ABCA13: variants seen among roughly 807,000 people sequenced by gnomAD.
ABCA13 encodes the protein ATP-binding cassette sub-family A member 13.
Under a neutral mutation model 478.7 loss-of-function variants are expected in ABCA13, and 476 were observed. The observed-to-expected ratio is 0.99, with a 90% CI of 0.92 to 1.07. The LOEUF (loss-of-function observed/expected upper bound fraction) is 1.07. Among genes scored for constraint, ABCA13 ranks in the 50% least tolerant of loss-of-function variants. The probability of loss-of-function intolerance (pLI) is 0.00; values close to 1 mark genes in which losing one functional copy is unlikely to be tolerated. For missense variants in ABCA13, 6,060 were observed against 5,910.6 expected (o/e 1.03, Z -0.83); for synonymous variants, 2,252 against 2,158.9 (o/e 1.04, Z -1.20).
chr7:48,623,700 G>C (rs1793378149), intron 59 of ABCA13, among the ~76,000 whole-genome samples: 1 of 152,188 alleles, frequency 6.6e-6, no homozygotes, highest in Non-Finnish European at 1.5e-5. Flanking sequence ...CATGCCAACT[G>C]TCTGTTCCCT....
intron 15 of ABCA13, among the ~76,000 whole-genome samples, chr7:48,261,437 G>A (rs1794166487): frequency 6.6e-6 from 1 of 151,658 alleles, no homozygotes; most frequent in Admixed American, 6.6e-5. Flanking sequence ...AATGTTTTTG[G>A]ATTACTTCTT....
intron 55 of ABCA13, among the ~76,000 whole-genome samples, chr7:48,567,576 A>G (rs1289981353): frequency 1.3e-5 from 2 of 152,120 alleles, no homozygotes; most frequent in Non-Finnish European, 2.9e-5. Flanking sequence ...GGAGATTACC[A>G]ACAAATTTTA....
chr7:48,242,230 G>T (rs1257381261), intron 10 of ABCA13, among the ~76,000 whole-genome samples: 1 of 151,940 alleles, frequency 6.6e-6, no homozygotes, highest in Non-Finnish European at 1.5e-5. Context: ...CTCTGTGCCA[G>T]GCCAGGGGAT....
At chr7:48,507,081 G>A (rs1359274785) in intron 49 of ABCA13, among the ~76,000 whole-genome samples, 5 of 152,206 alleles carry the variant, frequency 3.3e-5, no homozygotes, top group African/African-American at 1.2e-4. Context: ...GGAAGCACCG[G>A]TTGGGTTGCA....
chr7:48,352,608 C>G, intron 31 of ABCA13, 121 bp downstream of exon 31: 1 of 1,184,018 alleles, frequency 8.4e-7, no homozygotes. Flanking sequence ...AAGTTCACCC[C>G]CCACTTTTTA....
intron 55 of ABCA13, among the ~76,000 whole-genome samples, chr7:48,567,310 A>T (rs532471516): frequency 6.6e-6 from 1 of 152,252 alleles, no homozygotes; most frequent in East Asian, 1.9e-4. Flanking sequence ...GAAAAAAATG[A>T]GTATGGGCCT....
chr7:48,296,948 C>T (rs1799460617), intron 21 of ABCA13, among the ~76,000 whole-genome samples: 1 of 152,178 alleles, frequency 6.6e-6, no homozygotes, highest in Non-Finnish European at 1.5e-5. Context: ...TATCTATTCT[C>T]TTCACAGTTG....
chr7:48,320,765 T>C (rs145692273), intron 27 of ABCA13, among the ~76,000 whole-genome samples: 60 of 152,192 alleles, frequency 3.9e-4, no homozygotes, highest in African/African-American at 1.4e-3. Flanking sequence ...ACAAAGTAGG[T>C]TTAGTCTGGG....
chr7:48,279,730 C>T lies in ABCA13; in HGVS notation c.8536C>T (p.Gln2846Ter). The T allele has an allele frequency of 6.2e-7, 1 of 1,613,266 alleles. No individual in the cohort carries two copies. The highest frequency in any genetic ancestry group is 8.5e-7 in the Non-Finnish European group (1 of 1,179,720). ...EWITSTRTLFQPLFEIFIKAT... is the reference protein window; with the variant it reads ...EWITSTRTLF ...GATAACTTCCACAAGAACTTTGTTTCAGCCACTTTTTGAGATTTTCATTAA... is the reference window on the plus strand; with the variant it reads ...GATAACTTCCACAAGAACTTTGTTTTAGCCACTTTTTGAGATTTTCATTAA... The change falls in exon 18 of 62, where the codon CAG becomes TAG. Residue 2846 changes from glutamine (Q) to a stop codon, truncating the protein, a stop_gained. Transcript: ENST00000435803. LOFTEE classifies it high-confidence loss of function.
intron 16 of ABCA13, among the ~76,000 whole-genome samples, chr7:48,271,399 A>G (rs967759491): frequency 1.3e-5 from 2 of 152,194 alleles, no homozygotes; most frequent in Admixed American, 1.3e-4. Flanking sequence ...CCCTACAGGC[A>G]TGGTTTCTAA....
intron 39 of ABCA13, among the ~76,000 whole-genome samples, chr7:48,407,897 T>C (rs1422975927): frequency 6.6e-6 from 1 of 152,150 alleles, no homozygotes; most frequent in African/African-American, 2.4e-5. Flanking sequence ...TTAAAGTATA[T>C]GGGAGGATGT....
chr7:48,542,805 G>T (rs78106470), intron 55 of ABCA13, among the ~76,000 whole-genome samples: 6,157 of 151,744 alleles, frequency 0.041, 285 homozygotes, highest in Non-Finnish European at 0.057. Flanking sequence ...AATAGAGTAG[G>T]CTTTACACAG....
intron 41 of ABCA13, among the ~76,000 whole-genome samples, chr7:48,426,240 A>G (rs762891989): frequency 1.4e-4 from 22 of 152,196 alleles, no homozygotes; most frequent in Admixed American, 5.9e-4. Flanking sequence ...TTTCACATGA[A>G]GGTAGCTGCA....
intron 55 of ABCA13, among the ~76,000 whole-genome samples, chr7:48,558,252 CTTT>C (rs1054426023): frequency 8.9e-6 from 1 of 112,006 alleles, no homozygotes. Flanking sequence ...TTTTCTTTTT[CTTT>C]TTTTTTTTTT....
rs573096086 is a variant in ABCA13 at position 48,298,398 on chromosome 7, A to T, written c.9232A>T (p.Thr3078Ser). The T allele has an allele frequency of 6.2e-7, 1 of 1,611,932 alleles. No homozygotes were observed. Among genetic ancestry groups the T allele is most frequent in the African/African-American group, 1.3e-5 (1 of 74,994 alleles). The change falls in exon 23 of 62, where the codon ACC (threonine) becomes TCC (serine). Residue 3078 changes from threonine to serine, a missense_variant. Coordinates refer to ENST00000435803, the MANE Select transcript of ABCA13 (RefSeq NM_152701.5). Reference sequence around the variant, plus strand: ...AATAAAAGATTTGATGAAGAATATCACCAAGTTGACTGAGGAGCTTCGCTC... The same window carrying T: ...AATAAAAGATTTGATGAAGAATATCTCCAAGTTGACTGAGGAGCTTCGCTC... ...VKIKDLMKNITKLTEELRSSI... is the reference protein window; with the variant it reads ...VKIKDLMKNISKLTEELRSSI...
intron 41 of ABCA13, among the ~76,000 whole-genome samples, 198 bp from the exon 42 acceptor site, chr7:48,427,568 G>A (rs578042600): frequency 7.2e-5 from 11 of 152,254 alleles, no homozygotes; most frequent in African/African-American, 2.6e-4. Flanking sequence ...ATTCATCTTT[G>A]CATCCTATGG....
At chr7:48,565,996 T>C (rs1418336252) in intron 55 of ABCA13, among the ~76,000 whole-genome samples, 4 of 152,148 alleles carry the variant, frequency 2.6e-5, no homozygotes, top group Admixed American at 2.6e-4. Flanking sequence ...GTATGGCCAG[T>C]GGCAGTAGAG....
At chr7:48,421,189 C>T (rs1820693869) in intron 41 of ABCA13, among the ~76,000 whole-genome samples, 1 of 126,874 alleles carries the variant, frequency 7.9e-6, no homozygotes, top group African/African-American at 3.1e-5. Flanking sequence ...AAGTTAATTT[C>T]CTTTTCTCTC....
At chr7:48,174,782 C>T (rs1240411988) in intron 1 of ABCA13, among the ~76,000 whole-genome samples, 1 of 151,890 alleles carries the variant, frequency 6.6e-6, no homozygotes, top group African/African-American at 2.4e-5. Context: ...AGCTTTTTTC[C>T]CACTTTATAT....
Sources: gnomAD v4.1 joint callset for allele counts (sites outside exome capture counted in the v4.1 genomes callset) on GRCh38, gnomAD v4.1.1 for gene constraint, MANE v1.5 for transcripts, NCBI Gene and HGNC (gene_info 2026-07-23, HGNC 2026-07-21) for gene names.